PBX3: variants seen among roughly 807,000 people sequenced by gnomAD.
PBX3 encodes the protein pre-B-cell leukemia transcription factor 3.
A neutral mutation model predicts 48.5 loss-of-function variants in PBX3; 14 were observed. The observed-to-expected ratio is 0.29, with a 90% CI of 0.19 to 0.45. The LOEUF (loss-of-function observed/expected upper bound fraction) is 0.45, where lower values mean the gene tolerates loss of function less well. Ranked by LOEUF, PBX3 falls within the 20% of genes least tolerant of loss-of-function variation. The pLI is 1.00. For missense variants in PBX3, 386 were observed against 546.7 expected, an observed-to-expected ratio of 0.71 and a Z score of 2.93; for synonymous variants, 210 against 200.3, an observed-to-expected ratio of 1.05 and a Z score of -0.41.
chr9:125,882,505 G>T (rs1840405802), intron 2 of PBX3, among the ~76,000 whole-genome samples: 1 of 152,186 alleles, frequency 6.6e-6, no homozygotes, highest in Admixed American at 6.5e-5. Flanking sequence ...TAAGTGGGTG[G>T]TTGGGTATTT....
intron 2 of PBX3, among the ~76,000 whole-genome samples, chr9:125,766,885 A>G (rs766277140): frequency 8.6e-5 from 13 of 152,010 alleles, no homozygotes; most frequent in Non-Finnish European, 1.6e-4. Context: ...ATTATGAGTT[A>G]TTGAAATGAA....
At chr9:125,961,527 C>A (rs1842430346) in intron 6 of PBX3, among the ~76,000 whole-genome samples, 1 of 152,222 alleles carries the variant, frequency 6.6e-6, no homozygotes, top group South Asian at 2.1e-4. Context: ...ACTTCAGTAG[C>A]AATTCCAGGG....
chr9:125,816,019 T>C (rs371324622), intron 2 of PBX3, among the ~76,000 whole-genome samples: 67 of 152,266 alleles, frequency 4.4e-4, no homozygotes, highest in African/African-American at 1.6e-3. Context: ...TCTTTTTGTT[T>C]TTTGAGACCG....
intron 2 of PBX3, among the ~76,000 whole-genome samples, chr9:125,858,192 C>A (rs1331776785): frequency 6.6e-6 from 1 of 152,066 alleles, no homozygotes; most frequent in East Asian, 1.9e-4. Flanking sequence ...AGGGAGACCC[C>A]ATCACTAGAA....
intron 2 of PBX3, among the ~76,000 whole-genome samples, chr9:125,825,421 C>A (rs1838780359): frequency 6.6e-6 from 1 of 150,946 alleles, no homozygotes; most frequent in Non-Finnish European, 1.5e-5. Flanking sequence ...GCATAAGTAT[C>A]ATTTTAAAAT....
At chr9:125,850,871 AG>A (rs995786107) in intron 2 of PBX3, among the ~76,000 whole-genome samples, 3 of 152,106 alleles carry the variant, frequency 2.0e-5, no homozygotes, top group Admixed American at 6.6e-5. Context: ...AGGGTGTTAA[AG>A]AGCCGACAGC....
intron 2 of PBX3, among the ~76,000 whole-genome samples, chr9:125,914,342 A>G (rs539517384): frequency 6.6e-6 from 1 of 152,320 alleles, no homozygotes; most frequent in East Asian, 1.9e-4. Context: ...ATTTTAAATG[A>G]AAGTGACAGC....
chr9:125,867,777 TACACACATATAC>T (rs1325626601), intron 2 of PBX3, among the ~76,000 whole-genome samples: 2 of 151,780 alleles, frequency 1.3e-5, no homozygotes, highest in Non-Finnish European at 2.9e-5. Context: ...CACACATATA[TACACACATATAC>T]ACACACATAT....
Position 125,960,859 on chromosome 9 carries a change from G to A in PBX3, c.1009+10G>A. ...ACCACACCAAATTCCGGTGCGTACT[G>A]GGGGCTCGCTCCCCAACTGGCCCAG... On this transcript the variant is annotated intron_variant, in intron 6 of 8. Coordinates refer to ENST00000373489, the MANE Select transcript of PBX3 (RefSeq NM_006195.6). 9 of 1,610,210 alleles carry A rather than the reference G, an allele frequency of 5.6e-6. No individual in the cohort carries two copies. Among genetic ancestry groups the A allele is most frequent in the Non-Finnish European group, 6.8e-6 (8 of 1,177,140 alleles).
chr9:125,866,391 A>C (rs879491458), intron 2 of PBX3, among the ~76,000 whole-genome samples: 1 of 152,230 alleles, frequency 6.6e-6, no homozygotes, highest in Non-Finnish European at 1.5e-5. Context: ...TATTCTAACT[A>C]GAAGTGAAAT....
chr9:125,868,475 C>T (rs1260001715), intron 2 of PBX3, among the ~76,000 whole-genome samples: 3 of 152,128 alleles, frequency 2.0e-5, no homozygotes, highest in African/African-American at 7.2e-5. Context: ...GCTGAGCCAG[C>T]GTAGTGAAGT....
At chr9:125,794,279 C>G (rs1837712912) in intron 2 of PBX3, among the ~76,000 whole-genome samples, 1 of 152,174 alleles carries the variant, frequency 6.6e-6, no homozygotes, top group African/African-American at 2.4e-5. Context: ...CTTATTAAAA[C>G]TGAAGATACT....
At chr9:125,833,537 A>C (rs578094511) in intron 2 of PBX3, among the ~76,000 whole-genome samples, 1 of 152,288 alleles carries the variant, frequency 6.6e-6, no homozygotes, top group East Asian at 1.9e-4. Context: ...TACCACCGTA[A>C]ATTTTATATC....
chr9:125,770,697 G>A (rs10986895), intron 2 of PBX3, among the ~76,000 whole-genome samples: 3,059 of 152,190 alleles, frequency 0.02, 172 homozygotes, highest in East Asian at 0.17. Context: ...AGGCAAATCA[G>A]ACTTGGAAGC....
chr9:125,764,734 T>C (rs1360296476), intron 2 of PBX3, among the ~76,000 whole-genome samples: 3 of 152,174 alleles, frequency 2.0e-5, no homozygotes, highest in Non-Finnish European at 4.4e-5. Context: ...TTGCTTAGAG[T>C]TGCCTTTGCT....
chr9:125,886,486 T>C (rs866477012), intron 2 of PBX3, among the ~76,000 whole-genome samples: 19 of 152,126 alleles, frequency 1.2e-4, no homozygotes, highest in Admixed American at 2.0e-4. Context: ...ATGGTAAATT[T>C]GAGCTGTGGA....
chr9:125,916,352 C>T (rs1430658568), intron 3 of PBX3, among the ~76,000 whole-genome samples: 1 of 152,112 alleles, frequency 6.6e-6, no homozygotes, highest in African/African-American at 2.4e-5. Flanking sequence ...CCAGAATCCT[C>T]CTGGGAATTA....
chr9:125,889,737 A>AGGGCGGGGGCGCGCCGCGGCGGG (rs1840589517), intron 2 of PBX3, among the ~76,000 whole-genome samples: 1 of 151,124 alleles, frequency 6.6e-6, no homozygotes, highest in South Asian at 2.1e-4. Context: ...GTCAGCCAGC[A>AGGGCGGGGGCGCGCCGCGGCGGG]GGGCGGGGGC....
intron 2 of PBX3, among the ~76,000 whole-genome samples, chr9:125,853,677 T>C (rs894239376): frequency 6.6e-6 from 1 of 152,176 alleles, no homozygotes; most frequent in South Asian, 2.1e-4. Context: ...AAGTTGAAAA[T>C]TTAGAATCAC....
Sources: allele counts gnomAD v4.1 joint callset (sites outside exome capture counted in the v4.1 genomes callset), GRCh38; gene constraint gnomAD v4.1.1; transcripts MANE v1.5; gene names NCBI Gene and HGNC (gene_info 2026-07-23, HGNC 2026-07-21).